Variants in CLSPN observed in about 807,000 individuals in gnomAD.
The protein encoded by CLSPN is claspin homolog.
A neutral mutation model predicts 156.3 loss-of-function variants in CLSPN; 85 were observed. The observed-to-expected ratio is 0.54, with a 90% CI of 0.46 to 0.65. The LOEUF (loss-of-function observed/expected upper bound fraction) is 0.65, where lower values mean the gene tolerates loss of function less well. Among genes scored for constraint, CLSPN ranks in the 30% least tolerant of loss-of-function variants. CLSPN has a pLI of 0.00. For synonymous variants in CLSPN, 534 were observed against 542.4 expected (o/e 0.98, Z 0.22); for missense variants, 1,407 against 1,554.9 (o/e 0.90, Z 1.60).
rs753211105 is a variant in CLSPN, at chr1:35,732,631, T to C, written c.*3865A>G. 13 of 985,342 alleles carry C rather than the reference T, an allele frequency of 1.3e-5. No individual in the cohort carries two copies. The highest frequency in any genetic ancestry group is 1.7e-5 in the African/African-American group (1 of 57,256). The allele number at this position is 985,342 out of a possible 1,614,324, so 61.0% of individuals were successfully genotyped here. ...AAGGAAGAAACAAAAACACTGACACTGAGCCTACCCTATCTCCCACACTCA... is the reference window on the plus strand; with the variant it reads ...AAGGAAGAAACAAAAACACTGACACCGAGCCTACCCTATCTCCCACACTCA... On this transcript the variant is annotated 3_prime_UTR_variant, in exon 25 of 25. Transcript: ENST00000318121.
chr1:35,733,600 T>C lies in CLSPN; in HGVS notation c.*2896A>G. 1.0e-6 allele frequency: 1 copy of C among 985,024 alleles called. No individual in the cohort carries two copies. The highest frequency in any genetic ancestry group is 1.2e-6 in the Non-Finnish European group (1 of 829,868). The allele number at this position is 985,024 out of a possible 1,614,324, so 61.0% of individuals were successfully genotyped here. A position where few individuals can be genotyped will look rare whatever the true frequency, so the allele number is the denominator to read the frequency against. On this transcript the variant is annotated 3_prime_UTR_variant, in exon 25 of 25. Transcript: ENST00000318121. ...TTTGCCTTGGGAACTGTTTAGAGAG[T>C]TCAAAGAAAGAGGCAAAAACATGTA...
At position 35,732,209 on chromosome 1, in the gene CLSPN, A is replaced by C; in HGVS notation, c.*4287T>G. 1 of 985,390 alleles carries C rather than the reference A, an allele frequency of 1.0e-6. No individual in the cohort carries two copies. The highest frequency in any genetic ancestry group is 1.2e-6 in the Non-Finnish European group (1 of 829,918). 61.0% of individuals were successfully genotyped at this position (985,390 alleles called of 1,614,324 possible). A position where few individuals can be genotyped will look rare whatever the true frequency, so the allele number is the denominator to read the frequency against. On this transcript the variant is annotated 3_prime_UTR_variant, in exon 25 of 25. Transcript: ENST00000318121. ...GTAGGATATAAGGGTAGAAGATACA[A>C]TACCATCTCAAGGATGACATAATCA...
At chr1:35,720,324 AAT>A (rs932299128) in exon 25 of CLSPN, 1 of 152,158 alleles carries the variant, frequency 6.6e-6, no homozygotes, top group African/African-American at 2.4e-5. Context: ...CAGCTAAGAA[AAT>A]ACAGGTGGAG....
Position 35,748,453 on chromosome 1 carries a change from A to C in CLSPN, c.2424T>G (p.Ser808=), listed in dbSNP as rs776215966. 1.2e-4 allele frequency: 201 copies of C among 1,614,040 alleles called. No individual in the cohort carries two copies. Among genetic ancestry groups the C allele is most frequent in the Non-Finnish European group, 1.6e-4 (185 of 1,180,044 alleles). Residue 808 remains serine, a synonymous_variant, in exon 13 of 25, where the codon TCT becomes TCG. Transcript: ENST00000318121. The part of the protein sequence containing the change: ...SFFPTAGGFR[S]PSPGLFRASL... ...TGGCTCGAAATAGCCCAGGGGAAGG[A>C]GATCTGAATCCTCCTGCTGTAGGGA...
At chr1:35,745,624 G>C in intron 15 of CLSPN, 62 bp from the exon 16 acceptor site, 1 of 1,188,056 alleles carries the variant, frequency 8.4e-7, no homozygotes, top group South Asian at 1.2e-5. Context: ...TCTTTTCCCA[G>C]CCATCTAAAG....
At position 35,748,571 on chromosome 1, in the gene CLSPN, T is replaced by A. The variant is rs750950720; in HGVS notation, c.2306A>T (p.Glu769Val). The A allele has an allele frequency of 5.0e-6, 8 of 1,614,012 alleles. No homozygotes were observed. The African/African-American group carries it at 1.1e-4, about 22-fold the overall frequency. The change falls in exon 13 of 25, where the codon GAG becomes GTG. Residue 769 changes from glutamate (E) to valine (V), a missense_variant. Glu to Val is a moderately radical substitution (Grantham distance 121). Coordinates refer to ENST00000318121, the MANE Select transcript of CLSPN (RefSeq NM_022111.4). ...EDDSCSLLTK[E>V]SSHNSSFELI... ...CTCAAAGCTGCTATTGTGGCTGCTC[T>A]CCTTTGTTAGCAATGAACATGAATC...
chr1:35,743,698 A>T, intron 16 of CLSPN, 168 bp from the exon 17 acceptor site: 1 of 591,044 alleles, frequency 1.7e-6, no homozygotes, highest in Non-Finnish European at 3.0e-6. Context: ...ATCTCAGCTC[A>T]CTGTAACCTC....
Position 35,735,740 on chromosome 1 carries a change from C to T in CLSPN, c.*756G>A. The T allele has an allele frequency of 1.0e-6, 1 of 984,856 alleles. No individual in the cohort carries two copies. Among genetic ancestry groups the T allele is most frequent in the Non-Finnish European group, 1.2e-6 (1 of 829,780 alleles). The allele number at this position is 984,856 out of a possible 1,614,324, so 61.0% of individuals were successfully genotyped here. ...AAAAGAAATCTTTCTTTCACCGAGCCCTGGTCATCATGGTACGTATCTCAT... is the reference window on the plus strand; with the variant it reads ...AAAAGAAATCTTTCTTTCACCGAGCTCTGGTCATCATGGTACGTATCTCAT... On this transcript the variant is annotated 3_prime_UTR_variant, in exon 25 of 25. Coordinates refer to ENST00000318121, the MANE Select transcript of CLSPN (RefSeq NM_022111.4).
At chr1:35,731,913 A>G (rs1641326630), downstream of CLSPN, among the ~76,000 whole-genome samples, 1 of 152,198 alleles carries the variant, frequency 6.6e-6, no homozygotes, top group African/African-American at 2.4e-5. Flanking sequence ...GGCCTACAAT[A>G]TATGATATAA....
At chr1:35,738,433 G>A (rs1284549305) in intron 21 of CLSPN, 22 bp downstream of exon 21, 1 of 1,612,398 alleles carries the variant, frequency 6.2e-7, no homozygotes, top group Non-Finnish European at 8.5e-7. Context: ...ATAAACTAGG[G>A]TCAGAGTAGG....
At chr1:35,738,799 GC>G (rs1305786793) in intron 20 of CLSPN, among the ~76,000 whole-genome samples, 3 of 113,058 alleles carry the variant, frequency 2.7e-5, no homozygotes, top group African/African-American at 8.9e-5. Context: ...GTAACTGTTT[GC>G]TTTTTTTTTT....
rs537032069 is a variant in CLSPN at position 35,725,690 on chromosome 1, C to T, written c.3910-4710G>A. Among the ~76,000 whole-genome samples the T allele has an allele frequency of 9.9e-5, 15 of 152,262 alleles. No homozygotes were observed. The South Asian group carries it at 1.7e-3, about 17-fold the overall frequency. ...GGGCCAGCCTGAATGGGCTTGGAGC[C>T]GGTGGCTCGTGCGGAGGGGGAGGCC... On this transcript the variant is annotated intron_variant, in intron 24 of 24. Coordinates refer to the CLSPN transcript ENST00000251195.
Position 35,734,756 on chromosome 1 carries a change from T to C in CLSPN, c.*1740A>G. 2.0e-6 allele frequency: 2 copies of C among 983,016 alleles called. No homozygotes were observed. The highest frequency in any genetic ancestry group is 4.7e-5 in the South Asian group (1 of 21,150). The allele number at this position is 983,016 out of a possible 1,614,324, so 60.9% of individuals were successfully genotyped here. A position where few individuals can be genotyped will look rare whatever the true frequency, so the allele number is the denominator to read the frequency against. On this transcript the variant is annotated 3_prime_UTR_variant, in exon 25 of 25. Transcript: ENST00000318121. Reference sequence around the variant, plus strand: ...AAACTGTAAAAAACCTACAACCTAATTGCATCAATTAAATTGGTGTTCCCA... The same window carrying C: ...AAACTGTAAAAAACCTACAACCTAACTGCATCAATTAAATTGGTGTTCCCA...
At position 35,736,980 on chromosome 1, in the gene CLSPN, T is replaced by A; in HGVS notation, c.3843A>T (p.Arg1281Ser). 1.9e-6 allele frequency: 3 copies of A among 1,614,136 alleles called. No homozygotes were observed. The highest frequency in any genetic ancestry group is 2.5e-6 in the Non-Finnish European group (3 of 1,180,006). ...DHNPSAPRNSRNFVFHTLSPV... is the reference protein window; with the variant it reads ...DHNPSAPRNSSNFVFHTLSPV... ...GAGAAAGTGTATGAAAGACAAAGTT[T>A]CTTGAATTTCGAGGAGCACTGGGGT... is the stretch of plus-strand genomic sequence containing the variant. Residue 1281 changes from arginine to serine, a missense_variant, in exon 24 of 25, where the codon AGA becomes AGT. Physicochemically the swap from Arg to Ser is moderately radical, Grantham distance 110. Transcript: ENST00000318121.
At chr1:35,748,639 T>A in intron 12 of CLSPN, 35 bp from the exon 13 acceptor site, 1 of 1,560,264 alleles carries the variant, frequency 6.4e-7, no homozygotes, top group Non-Finnish European at 8.8e-7. Flanking sequence ...AGCACATGAT[T>A]ACAGAAATAA....
At chr1:35,762,829 C>A (rs116027888) in intron 4 of CLSPN, among the ~76,000 whole-genome samples, 11 of 152,216 alleles carry the variant, frequency 7.2e-5, no homozygotes, top group Non-Finnish European at 1.5e-4. Context: ...TCCTGAAACC[C>A]TATAGGGTTC....
At chr1:35,753,716 CA>C (rs3831243) in intron 9 of CLSPN, 28 bp downstream of exon 9, 3 of 1,609,714 alleles carry the variant, frequency 1.9e-6, no homozygotes, top group Non-Finnish European at 2.5e-6. Context: ...AAGCAAAAAG[CA>C]AAAAACAAAA....
Position 35,743,228 on chromosome 1 carries a change from T to C in CLSPN, c.3056A>G (p.Asp1019Gly), listed in dbSNP as rs1347714439. The C allele has an allele frequency of 9.3e-6, 15 of 1,613,254 alleles. No homozygotes were observed. The highest frequency in any genetic ancestry group is 1.3e-5 in the Non-Finnish European group (15 of 1,179,224). ...TTCCAGTGCCAGATCATTACCAGAGTCACTGTGTTCATCCTACAAAATCAG... is the reference window on the plus strand; with the variant it reads ...TTCCAGTGCCAGATCATTACCAGAGCCACTGTGTTCATCCTACAAAATCAG... ...EFDSDEDEHS[D>G]SGNDLALEDH... The change falls in exon 18 of 25, where the codon GAC (aspartate) becomes GGC (glycine). Residue 1019 changes from aspartate (D) to glycine (G), a missense_variant. Asp to Gly is a moderately conservative substitution (Grantham distance 94). This residue lies in a region of CLSPN where 1,096 missense variants were observed against 1,193.0 expected (regional missense o/e 0.92). Coordinates refer to ENST00000318121, the MANE Select transcript of CLSPN (RefSeq NM_022111.4).
At chr1:35,739,873 T>G (rs995522051) in intron 18 of CLSPN, among the ~76,000 whole-genome samples, 1 of 152,230 alleles carries the variant, frequency 6.6e-6, no homozygotes, top group Admixed American at 6.5e-5. Flanking sequence ...TCACTTAATA[T>G]GTCTTGTGTG....
Sources: allele counts gnomAD v4.1 joint callset (sites outside exome capture counted in the v4.1 genomes callset), GRCh38; gene constraint gnomAD v4.1.1; regional missense constraint gnomAD v4.1.1; transcripts MANE v1.5; gene names NCBI Gene and HGNC (gene_info 2026-07-23, HGNC 2026-07-21).